Variants in C1QTNF3 observed in about 807,000 individuals in gnomAD.
C1QTNF3 encodes the protein complement C1q tumor necrosis factor-related protein 3.
C1QTNF3 carries 26 observed loss-of-function variants against 32.6 expected under a neutral mutation model. The observed-to-expected ratio is 0.80, with a 90% CI of 0.58 to 1.11. The LOEUF is 1.11. C1QTNF3 is among the 50% of genes least tolerant of loss of function. C1QTNF3 has a pLI of 0.00. For synonymous variants in C1QTNF3, 155 were observed against 146.0 expected, an observed-to-expected ratio of 1.06 and a Z score of -0.44; for missense variants, 362 against 398.2, an observed-to-expected ratio of 0.91 and a Z score of 0.77.
chr5:34,071,690 C>T, the C1QTNF3 span, among the ~76,000 whole-genome samples: 2,051 of 152,292 alleles, frequency 0.013, 52 homozygotes, highest in African/African-American at 0.047. Flanking sequence ...ATGTCACCTT[C>T]AGCCAGGGGT....
the C1QTNF3 span, among the ~76,000 whole-genome samples, chr5:34,211,484 G>A: frequency 2.6e-5 from 4 of 151,158 alleles, no homozygotes; most frequent in Admixed American, 6.6e-5. Flanking sequence ...CTGGTGTGCT[G>A]CACCCATTAA....
chr5:34,155,926 C>T, the C1QTNF3 span, among the ~76,000 whole-genome samples: 1 of 152,080 alleles, frequency 6.6e-6, no homozygotes. Context: ...ACTAATTTAG[C>T]TTACTTTTTG....
the C1QTNF3 span, among the ~76,000 whole-genome samples, chr5:34,132,433 A>ATG: frequency 5.0e-4 from 17 of 33,888 alleles, no homozygotes; most frequent in African/African-American, 1.1e-3. Flanking sequence ...GTGTATGTGT[A>ATG]TGTATATATA....
the C1QTNF3 span, among the ~76,000 whole-genome samples, chr5:34,114,608 GATC>G: frequency 1.3e-5 from 2 of 151,816 alleles, no homozygotes; most frequent in African/African-American, 4.8e-5. Context: ...TATTTTGACA[GATC>G]ATTTTACTTT....
chr5:34,210,316 C>G, the C1QTNF3 span, among the ~76,000 whole-genome samples: 1 of 151,994 alleles, frequency 6.6e-6, no homozygotes, highest in Non-Finnish European at 1.5e-5. Context: ...GCACATACTA[C>G]GTCATAGGCT....
At chr5:34,107,950 T>C in the C1QTNF3 span, among the ~76,000 whole-genome samples, 1 of 151,858 alleles carries the variant, frequency 6.6e-6, no homozygotes, top group African/African-American at 2.4e-5. Context: ...TCTACACTCC[T>C]ACTAAGATTT....
At chr5:34,103,565 T>C in the C1QTNF3 span, among the ~76,000 whole-genome samples, 15 of 141,306 alleles carry the variant, frequency 1.1e-4, no homozygotes, top group Admixed American at 6.4e-4. Context: ...ACGTCTATAA[T>C]TCCAGCACTT....
At position 34,026,435 on chromosome 5, in the gene C1QTNF3, G is replaced by A. The variant is rs1453619989; in HGVS notation, c.700+2319C>T. 2.1e-5 allele frequency among the ~76,000 whole-genome samples: 3 copies of A among 146,162 alleles called. No individual in the cohort carries two copies. In the East Asian group the frequency reaches 6.0e-4, roughly 29 times the overall value. On this transcript the variant is annotated intron_variant, in intron 4 of 5. Coordinates refer to ENST00000382065, the MANE Select transcript of C1QTNF3 (RefSeq NM_181435.6). ...GGATGTGGAAAGAGGACCTGCAGTG[G>A]CCAATCTCAAAATCTGCCAGCAAAA... is the stretch of plus-strand genomic sequence containing the variant.
At chr5:34,050,701 A>G in the C1QTNF3 span, among the ~76,000 whole-genome samples, 2 of 152,222 alleles carry the variant, frequency 1.3e-5, no homozygotes, top group East Asian at 1.9e-4. Flanking sequence ...CCTATGACAT[A>G]TAAGTTCTGG....
At chr5:34,239,512 T>C in the C1QTNF3 span, 3 of 151,738 alleles carry the variant, frequency 2.0e-5, no homozygotes, top group African/African-American at 7.3e-5. Context: ...AAACAGACTT[T>C]AATCAAAATT....
the C1QTNF3 span, among the ~76,000 whole-genome samples, chr5:34,116,154 T>C: frequency 4.6e-5 from 7 of 152,340 alleles, no homozygotes; most frequent in South Asian, 1.4e-3. Context: ...TGTTGTTTGA[T>C]AGCTGCATAT....
At chr5:34,028,640 C>G in intron 4 of C1QTNF3, 114 bp downstream of exon 4, 2 of 903,596 alleles carry the variant, frequency 2.2e-6, no homozygotes, top group Non-Finnish European at 3.1e-6. Flanking sequence ...CTCCCTTCCT[C>G]CTTCTTTCTC....
At chr5:34,239,938 CTT>C in the C1QTNF3 span, among the ~76,000 whole-genome samples, 1 of 151,918 alleles carries the variant, frequency 6.6e-6, no homozygotes, top group African/African-American at 2.4e-5. Flanking sequence ...CAAGCACACT[CTT>C]AGATCTCAAT....
the C1QTNF3 span, among the ~76,000 whole-genome samples, chr5:34,132,435 G>GTGTATGTATATA: frequency 7.3e-5 from 10 of 137,724 alleles, no homozygotes; most frequent in Middle Eastern, 3.4e-3. Context: ...GTATGTGTAT[G>GTGTATGTATATA]TATATATATA....
intron 4 of C1QTNF3, among the ~76,000 whole-genome samples, 198 bp downstream of exon 4, chr5:34,028,556 A>T (rs1754533856): frequency 6.6e-6 from 1 of 152,172 alleles, no homozygotes; most frequent in African/African-American, 2.4e-5. Context: ...ATCCAACAGA[A>T]ATCTAAATGA....
chr5:34,036,901 G>A (rs750537245), intron 1 of C1QTNF3, among the ~76,000 whole-genome samples: 1 of 152,002 alleles, frequency 6.6e-6, no homozygotes, highest in Non-Finnish European at 1.5e-5. Flanking sequence ...GCAGTGAGCT[G>A]AGATAGCACC....
At chr5:34,082,525 T>C in the C1QTNF3 span, among the ~76,000 whole-genome samples, 1 of 151,838 alleles carries the variant, frequency 6.6e-6, no homozygotes, top group African/African-American at 2.4e-5. Flanking sequence ...TACCATTTAA[T>C]GAGAGCAGAC....
the C1QTNF3 span, among the ~76,000 whole-genome samples, chr5:34,137,297 A>G: frequency 3.3e-4 from 50 of 152,316 alleles, no homozygotes; most frequent in Middle Eastern, 3.4e-3. Context: ...GTTTTATTTT[A>G]ACTTTAATGC....
At chr5:34,188,958 G>A in the C1QTNF3 span, among the ~76,000 whole-genome samples, 1 of 151,224 alleles carries the variant, frequency 6.6e-6, no homozygotes, top group Non-Finnish European at 1.5e-5. Context: ...GAATCATGGA[G>A]GCAGTTTCCC....
Sources: allele counts gnomAD v4.1 joint callset (sites outside exome capture counted in the v4.1 genomes callset), GRCh38; gene constraint gnomAD v4.1.1; transcripts MANE v1.5; gene names NCBI Gene and HGNC (gene_info 2026-07-23, HGNC 2026-07-21).